SPPL3: variants seen among roughly 807,000 people sequenced by gnomAD.
The protein encoded by SPPL3 is signal peptide peptidase-like 3.
A neutral mutation model predicts 42.4 loss-of-function variants in SPPL3; 5 were observed. The ratio of observed to expected loss-of-function variants is 0.12; its 90% CI spans 0.06 to 0.25. The LOEUF is 0.25. SPPL3 is among the 10% of genes least tolerant of loss of function. The pLI is 1.00. For missense variants in SPPL3, 235 were observed against 489.0 expected (o/e 0.48, Z 4.90); for synonymous variants, 195 against 181.8 (o/e 1.07, Z -0.58).
At chr12:120,846,614 G>C (rs751626157) in intron 1 of SPPL3, among the ~76,000 whole-genome samples, 5 of 152,174 alleles carry the variant, frequency 3.3e-5, no homozygotes, top group Non-Finnish European at 7.3e-5. Context: ...AGTGGAAAGA[G>C]AAGTCTCAAA....
At chr12:120,898,587 C>T (rs1357679155) in intron 1 of SPPL3, among the ~76,000 whole-genome samples, 1 of 151,660 alleles carries the variant, frequency 6.6e-6, no homozygotes, top group African/African-American at 2.4e-5. Context: ...GTTAGAAGGC[C>T]AAGAAGGTAC....
chr12:120,904,224 C>T lies in SPPL3; in HGVS notation c.-357G>A. 4.9e-6 allele frequency: 1 copy of T among 203,704 alleles called. No homozygotes were observed. The highest frequency in any genetic ancestry group is 9.6e-6 in the Non-Finnish European group (1 of 104,712). The allele number at this position is 203,704 out of a possible 1,614,324, so 12.6% of individuals were successfully genotyped here. On this transcript the variant is annotated 5_prime_UTR_variant, in exon 1 of 11. Transcript: ENST00000353487. Reference sequence around the variant, plus strand: ...AAGACGGGCCCGCGCTCACTGCGCGCGGGGCCGCGGGAGCGCCGCGCTCGG... The same window carrying T: ...AAGACGGGCCCGCGCTCACTGCGCGTGGGGCCGCGGGAGCGCCGCGCTCGG...
intron 1 of SPPL3, among the ~76,000 whole-genome samples, chr12:120,849,857 T>G (rs1436138058): frequency 6.6e-6 from 1 of 152,172 alleles, no homozygotes; most frequent in Non-Finnish European, 1.5e-5. Context: ...AGCTGCTGCT[T>G]TATAAAGACA....
intron 6 of SPPL3, among the ~76,000 whole-genome samples, chr12:120,772,369 A>T (rs1161113487): frequency 4.6e-5 from 7 of 152,126 alleles, no homozygotes; most frequent in Non-Finnish European, 1.0e-4. Context: ...AATGTCTCTC[A>T]ACTCACTCAT....
intron 6 of SPPL3, among the ~76,000 whole-genome samples, chr12:120,775,270 C>T (rs1176133859): frequency 6.6e-6 from 1 of 152,164 alleles, no homozygotes; most frequent in Non-Finnish European, 1.5e-5. Context: ...CCTGCCTCAG[C>T]CTCCCAAGTA....
chr12:120,879,048 G>C (rs1184569152), intron 1 of SPPL3, among the ~76,000 whole-genome samples: 2 of 140,226 alleles, frequency 1.4e-5, no homozygotes, highest in African/African-American at 2.6e-5. Flanking sequence ...GGGAGGCGGA[G>C]GTTGTGGTGA....
chr12:120,808,545 C>G (rs1414397772), intron 2 of SPPL3, among the ~76,000 whole-genome samples: 1 of 152,186 alleles, frequency 6.6e-6, no homozygotes, highest in African/African-American at 2.4e-5. Context: ...ATTTCATACT[C>G]TCTGTCGAAG....
chr12:120,765,325 C>T (rs550994159), intron 10 of SPPL3, among the ~76,000 whole-genome samples: 1 of 151,472 alleles, frequency 6.6e-6, no homozygotes, highest in East Asian at 1.9e-4. Context: ...ACTCTGTCAC[C>T]TAGGCTGGAG....
chr12:120,764,929 AAGAG>A lies in SPPL3; in HGVS notation c.*66_*69del. ...CATTTCTGAGTACCAGGCCAGCTCTAAGAGGAAACAAACCATGAGTTGAGAGAAA... is the reference window on the plus strand; with the variant it reads ...CATTTCTGAGTACCAGGCCAGCTCTAGAAACAAACCATGAGTTGAGAGAAA... On this transcript the variant is annotated 3_prime_UTR_variant, in exon 11 of 11. Coordinates refer to ENST00000353487, the MANE Select transcript of SPPL3 (RefSeq NM_139015.5). The A allele has an allele frequency of 2.6e-6, 4 of 1,538,268 alleles. No homozygotes were observed. Among genetic ancestry groups the A allele is most frequent in the Non-Finnish European group, 3.6e-6 (4 of 1,122,052 alleles).
intron 1 of SPPL3, among the ~76,000 whole-genome samples, chr12:120,890,380 G>C (rs1020151685): frequency 1.3e-5 from 2 of 152,026 alleles, no homozygotes; most frequent in African/African-American, 2.4e-5. Flanking sequence ...ACGAGGTCAA[G>C]AGATCGAAAC....
intron 1 of SPPL3, among the ~76,000 whole-genome samples, chr12:120,898,096 G>T (rs758069796): frequency 2.0e-5 from 3 of 151,948 alleles, no homozygotes; most frequent in Non-Finnish European, 2.9e-5. Context: ...TGGATTGCTT[G>T]AAGTCAGGAG....
chr12:120,784,340 G>A (rs575286095), intron 4 of SPPL3, 134 bp downstream of exon 4: 54 of 891,580 alleles, frequency 6.1e-5, no homozygotes, highest in African/African-American at 3.3e-4. Flanking sequence ...TGGTTGAGAC[G>A]GAGAAGGCGA....
chr12:120,869,586 T>C (rs1872859472), intron 1 of SPPL3, among the ~76,000 whole-genome samples: 1 of 152,210 alleles, frequency 6.6e-6, no homozygotes, highest in Admixed American at 6.5e-5. Context: ...CACCAGAGAA[T>C]GGTATTACCA....
chr12:120,829,422 C>A (rs1304462599), intron 1 of SPPL3, among the ~76,000 whole-genome samples: 1 of 151,828 alleles, frequency 6.6e-6, no homozygotes, highest in Non-Finnish European at 1.5e-5. Context: ...GTGGTGAAAC[C>A]CCGTCTCTAC....
Position 120,784,583 on chromosome 12 carries a change from T to C in SPPL3, c.201A>G (p.Thr67=), listed in dbSNP as rs1314306234. 1 of 1,606,104 alleles carries C rather than the reference T, an allele frequency of 6.2e-7. No homozygotes were observed. The highest frequency in any genetic ancestry group is 8.5e-7 in the Non-Finnish European group (1 of 1,177,630). ...NGNSTNNSIQ[T]IDSTQALFLP... is the part of the protein sequence containing the mutation. ...GGAACAGAGCCTGGGTAGAGTCAAT[T>C]GTTTGGATGCCTGAAAGAGAAAAAC... The change falls in exon 4 of 11, where the codon ACA becomes ACG. Residue 67 remains threonine (T), a synonymous_variant. Coordinates refer to ENST00000353487, the MANE Select transcript of SPPL3 (RefSeq NM_139015.5).
chr12:120,815,703 TCTG>T (rs751206290), intron 1 of SPPL3, among the ~76,000 whole-genome samples: 1 of 152,170 alleles, frequency 6.6e-6, no homozygotes, highest in Non-Finnish European at 1.5e-5. Context: ...ACCTCAGACT[TCTG>T]GAAGTCTGGA....
At chr12:120,836,230 C>T (rs1467589137) in intron 1 of SPPL3, among the ~76,000 whole-genome samples, 3 of 151,916 alleles carry the variant, frequency 2.0e-5, no homozygotes, top group Admixed American at 6.6e-5. Context: ...GCAACTTTCT[C>T]CAACCAAAAG....
intron 2 of SPPL3, among the ~76,000 whole-genome samples, chr12:120,803,856 C>T (rs7302487): frequency 0.02 from 3,025 of 150,828 alleles, 115 homozygotes; most frequent in African/African-American, 0.069. Flanking sequence ...TCAAGTAGGA[C>T]GAGTTATGGA....
At chr12:120,837,542 A>C (rs1257385435) in intron 1 of SPPL3, among the ~76,000 whole-genome samples, 1 of 152,222 alleles carries the variant, frequency 6.6e-6, no homozygotes, top group African/African-American at 2.4e-5. Context: ...TGAATTTTCT[A>C]TAATGCTTTT....
Sources: gnomAD v4.1 joint callset for allele counts (sites outside exome capture counted in the v4.1 genomes callset) on GRCh38, gnomAD v4.1.1 for gene constraint, MANE v1.5 for transcripts, NCBI Gene and HGNC (gene_info 2026-07-23, HGNC 2026-07-21) for gene names.